ZBTB20: variants seen among roughly 807,000 people sequenced by gnomAD.
ZBTB20 encodes zinc finger and BTB domain-containing protein 20.
Under a neutral mutation model 56.9 loss-of-function variants are expected in ZBTB20, and 9 were observed. The observed-to-expected ratio is 0.16, with a 90% CI of 0.10 to 0.28. The LOEUF (loss-of-function observed/expected upper bound fraction) is 0.28, where lower values mean the gene tolerates loss of function less well. Ranked by LOEUF, ZBTB20 falls within the 10% of genes least tolerant of loss-of-function variation. The pLI is 1.00. For synonymous variants in ZBTB20, 417 were observed against 420.7 expected, an observed-to-expected ratio of 0.99 and a Z score of 0.11; for missense variants, 655 against 1,003.0, an observed-to-expected ratio of 0.65 and a Z score of 4.69.
chr3:114,415,819 G>T (rs2088489706), intron 7 of ZBTB20, among the ~76,000 whole-genome samples: 1 of 151,990 alleles, frequency 6.6e-6, no homozygotes, highest in Non-Finnish European at 1.5e-5. Context: ...TCACCATATA[G>T]TAGTTGTGCT....
chr3:114,731,839 C>A (rs2065781457), intron 5 of ZBTB20, among the ~76,000 whole-genome samples: 1 of 152,098 alleles, frequency 6.6e-6, no homozygotes, highest in Admixed American at 6.6e-5. Flanking sequence ...AGTAACTAAT[C>A]CGGCTGTGCC....
chr3:114,770,175 C>T (rs2069097836), intron 5 of ZBTB20, among the ~76,000 whole-genome samples: 1 of 151,184 alleles, frequency 6.6e-6, no homozygotes, highest in African/African-American at 2.4e-5. Flanking sequence ...GATGGGTACA[C>T]CAAAACTCAC....
At chr3:114,458,595 T>C (rs1432744910) in intron 7 of ZBTB20, among the ~76,000 whole-genome samples, 2 of 152,088 alleles carry the variant, frequency 1.3e-5, no homozygotes, top group Non-Finnish European at 2.9e-5. Context: ...GTTTCCAGTA[T>C]AAAAAAATAC....
In ZBTB20 at chr3:114,968,544, G is replaced by A. The variant is rs573282389; in HGVS notation, c.-456+5822C>T. Among the ~76,000 whole-genome samples the A allele has an allele frequency of 2.0e-5, 3 of 152,246 alleles. No individual in the cohort carries two copies. The East Asian group carries it at 5.8e-4, about 29-fold the overall frequency. On this transcript the variant is annotated intron_variant, in intron 3 of 11. Coordinates refer to ENST00000675478, the MANE Select transcript of ZBTB20 (RefSeq NM_001348800.3). ...TTTGAATAAGCATGCAGGTTGGAAG[G>A]CCAAACAGTACACACATCCAAAAGG...
Position 114,335,363 on chromosome 3 carries a change from C to T in ZBTB20, c.*3642G>A, listed in dbSNP as rs1239755494. 6.7e-6 allele frequency: 1 copy of T among 149,164 alleles called. No homozygotes were observed. Among genetic ancestry groups the T allele is most frequent in the Admixed American group, 6.7e-5 (1 of 15,014 alleles). 9.2% of individuals were successfully genotyped at this position (149,164 alleles called of 1,614,324 possible). ...TGTAAGATGACTGTAGGACTTGAAA[C>T]AAAAAAAAATTAAAAAGATCCACAC... On this transcript the variant is annotated 3_prime_UTR_variant, in exon 12 of 12. Transcript: ENST00000675478.
intron 7 of ZBTB20, among the ~76,000 whole-genome samples, chr3:114,456,854 T>C (rs1238668617): frequency 6.6e-6 from 1 of 152,226 alleles, no homozygotes; most frequent in Non-Finnish European, 1.5e-5. Context: ...CTCTCAGTCA[T>C]GCTTCAGCAA....
chr3:114,595,050 A>C (rs2056190381), intron 6 of ZBTB20, among the ~76,000 whole-genome samples: 1 of 152,042 alleles, frequency 6.6e-6, no homozygotes, highest in South Asian at 2.1e-4. Context: ...TTCAACCTTC[A>C]TGCTTCTTTT....
At chr3:114,415,166 A>G (rs1027656542) in intron 7 of ZBTB20, among the ~76,000 whole-genome samples, 2 of 152,106 alleles carry the variant, frequency 1.3e-5, no homozygotes, top group Non-Finnish European at 2.9e-5. Context: ...CTCAACACCA[A>G]TGTGACAATC....
intron 5 of ZBTB20, among the ~76,000 whole-genome samples, chr3:114,701,662 G>A (rs2108378143): frequency 6.6e-6 from 1 of 152,220 alleles, no homozygotes; most frequent in Middle Eastern, 3.4e-3. Flanking sequence ...GTTGCGAAGT[G>A]AGGTTTGAAT....
At chr3:114,627,165 A>G (rs1391361173) in intron 6 of ZBTB20, among the ~76,000 whole-genome samples, 1 of 152,182 alleles carries the variant, frequency 6.6e-6, no homozygotes, top group Non-Finnish European at 1.5e-5. Context: ...CATGCAAAGC[A>G]TTCCATCTGT....
chr3:114,939,364 C>A (rs2076654303), intron 3 of ZBTB20, among the ~76,000 whole-genome samples: 1 of 146,158 alleles, frequency 6.8e-6, no homozygotes, highest in African/African-American at 2.8e-5. Context: ...ACCAAAAATG[C>A]TGTGGCTATT....
intron 10 of ZBTB20, among the ~76,000 whole-genome samples, chr3:114,373,039 C>T (rs911681290): frequency 2.0e-5 from 3 of 151,988 alleles, no homozygotes; most frequent in African/African-American, 7.2e-5. Flanking sequence ...ACCTCAGCCT[C>T]CCAAGTAGCT....
intron 7 of ZBTB20, among the ~76,000 whole-genome samples, chr3:114,429,676 A>C (rs985289444): frequency 3.9e-5 from 6 of 152,142 alleles, no homozygotes; most frequent in Non-Finnish European, 7.3e-5. Context: ...CATGGGTTCT[A>C]TATCCGCAAA....
At chr3:114,800,534 G>C (rs868276905) in intron 5 of ZBTB20, among the ~76,000 whole-genome samples, 1 of 151,876 alleles carries the variant, frequency 6.6e-6, no homozygotes, top group South Asian at 2.1e-4. Context: ...TGACTGCTTC[G>C]TAGCAGAATG....
intron 6 of ZBTB20, among the ~76,000 whole-genome samples, chr3:114,572,847 A>T (rs2053582273): frequency 6.6e-6 from 1 of 152,172 alleles, no homozygotes; most frequent in South Asian, 2.1e-4. Context: ...TGTTATGTTT[A>T]TTCATTCTTA....
At chr3:115,072,025 T>A (rs899861080) in intron 1 of ZBTB20, among the ~76,000 whole-genome samples, 2 of 152,134 alleles carry the variant, frequency 1.3e-5, no homozygotes, top group Non-Finnish European at 1.5e-5. Context: ...AGAAAACTAT[T>A]CTTTTGAAAC....
intron 7 of ZBTB20, among the ~76,000 whole-genome samples, chr3:114,476,761 C>T (rs1051646133): frequency 6.6e-6 from 1 of 152,130 alleles, no homozygotes; most frequent in African/African-American, 2.4e-5. Flanking sequence ...ATTAAGTGTC[C>T]AACACAAGAA....
chr3:114,393,863 A>G (rs1008754189), intron 7 of ZBTB20, among the ~76,000 whole-genome samples: 6 of 152,188 alleles, frequency 3.9e-5, no homozygotes, highest in Non-Finnish European at 8.8e-5. Flanking sequence ...AACAGACAGT[A>G]GGTCACTTCT....
chr3:114,370,960 T>A (rs1165011248), intron 10 of ZBTB20, among the ~76,000 whole-genome samples: 2 of 152,192 alleles, frequency 1.3e-5, no homozygotes, highest in Non-Finnish European at 2.9e-5. Context: ...TGCACCTGGA[T>A]CCTCCCCATT....
Sources: gnomAD v4.1 joint callset for allele counts (sites outside exome capture counted in the v4.1 genomes callset) on GRCh38, gnomAD v4.1.1 for gene constraint, MANE v1.5 for transcripts, NCBI Gene and HGNC (gene_info 2026-07-23, HGNC 2026-07-21) for gene names.